FAM186A: variants seen among roughly 807,000 people sequenced by gnomAD.
FAM186A encodes the protein protein FAM186A.
FAM186A carries 163 observed loss-of-function variants against 216.8 expected under a neutral mutation model. The ratio of observed to expected loss-of-function variants is 0.75; its 90% confidence interval spans 0.66 to 0.86. FAM186A has a LOEUF of 0.86. Ranked by LOEUF, FAM186A falls within the 40% of genes least tolerant of loss-of-function variation. The pLI is 0.00. For synonymous variants in FAM186A, 805 were observed against 1,025.3 expected (o/e 0.79, Z 4.10); for missense variants, 2,184 against 2,746.2 (o/e 0.80, Z 4.58).
intron 1 of FAM186A, among the ~76,000 whole-genome samples, chr12:50,363,652 G>A (rs1243420439): frequency 2.6e-5 from 4 of 151,624 alleles, no homozygotes; most frequent in Non-Finnish European, 4.4e-5. Context: ...ATAAATCACG[G>A]CATGTCTGAG....
In FAM186A at chr12:50,351,024, C is replaced by T. The variant is rs965506725; in HGVS notation, c.5808G>A (p.Pro1936=). 9 of 1,551,062 alleles carry T rather than the reference C, an allele frequency of 5.8e-6. No homozygotes were observed. The highest frequency in any genetic ancestry group is 5.5e-5 in the African/African-American group (4 of 73,002). ...PTSRHPPTLW[P]SPAPGKPQKS... ...TCTGGGGCTTTCCAGGGGCTGGGGA[C>T]GGCCATAGTGTGGGAGGATGTCTAG... The change falls in exon 4 of 8, where the codon CCG becomes CCA. Residue 1936 remains proline (P), a synonymous_variant. Coordinates refer to ENST00000327337, the MANE Select transcript of FAM186A (RefSeq NM_001145475.3).
chr12:50,378,624 A>G lies in FAM186A; in HGVS notation c.193-15260T>C, dbSNP rs887317101. ...ATATACACATATGTAAATTGTATATATATATATATACACATACATATATAT... is the reference window on the plus strand; with the variant it reads ...ATATACACATATGTAAATTGTATATGTATATATATACACATACATATATAT... On this transcript the variant is annotated intron_variant, in intron 1 of 7. Transcript: ENST00000327337. 9.2e-4 allele frequency among the ~76,000 whole-genome samples: 106 copies of G among 115,320 alleles called. 1 individual carries two copies. The highest frequency in any genetic ancestry group is 3.8e-3 in the African/African-American group (104 of 27,440). The allele number at this position is 115,320 out of a possible 152,430, so 75.7% of individuals were successfully genotyped here.
At chr12:50,335,046 G>C (rs1477969575) in intron 4 of FAM186A, among the ~76,000 whole-genome samples, 2 of 152,082 alleles carry the variant, frequency 1.3e-5, no homozygotes, top group Admixed American at 6.6e-5. Flanking sequence ...AGGATCGCTT[G>C]AGGCCAGGAG....
In FAM186A at chr12:50,363,082, T is replaced by C. The variant is rs963139264; in HGVS notation, c.412+63A>G. 11 of 1,322,196 alleles carry C rather than the reference T, an allele frequency of 8.3e-6. No individual in the cohort carries two copies. In the South Asian group the frequency reaches 1.4e-4, roughly 16 times the overall value. 81.9% of individuals were successfully genotyped at this position (1,322,196 alleles called of 1,614,324 possible). A position where few individuals can be genotyped will look rare whatever the true frequency, so the allele number is the denominator to read the frequency against. Reference sequence around the variant, plus strand: ...TGATTAATCCTTCAAAATTTACTTATATATTCTCTTCTCTTTTTCATTAAC... The same window carrying C: ...TGATTAATCCTTCAAAATTTACTTACATATTCTCTTCTCTTTTTCATTAAC... On this transcript the variant is annotated intron_variant, in intron 2 of 7. Coordinates refer to ENST00000327337, the MANE Select transcript of FAM186A (RefSeq NM_001145475.3).
intron 1 of FAM186A, among the ~76,000 whole-genome samples, chr12:50,375,508 C>G (rs1236882831): frequency 6.6e-6 from 1 of 150,480 alleles, no homozygotes; most frequent in Admixed American, 6.6e-5. Flanking sequence ...GAGATTGCAC[C>G]ATTGCACTCC....
intron 1 of FAM186A, among the ~76,000 whole-genome samples, chr12:50,373,036 A>G (rs1222662223): frequency 1.3e-5 from 2 of 149,830 alleles, no homozygotes; most frequent in Non-Finnish European, 3.0e-5. Flanking sequence ...AGAAAGAAAG[A>G]AAGAAAGAAA....
chr12:50,339,987 G>A (rs1004112783), intron 4 of FAM186A, among the ~76,000 whole-genome samples: 1 of 152,042 alleles, frequency 6.6e-6, no homozygotes, highest in African/African-American at 2.4e-5. Context: ...ACAGGCACCT[G>A]CCATCGTGCC....
rs1297060144 is a variant in FAM186A, at chr12:50,351,650, T to A, written c.5182A>T (p.Ile1728Phe). 41 of 1,551,416 alleles carry A rather than the reference T, an allele frequency of 2.6e-5. No homozygotes were observed. Among genetic ancestry groups the A allele is most frequent in the Non-Finnish European group, 3.5e-5 (40 of 1,146,906 alleles). The part of the protein sequence containing the change: ...SKASLPTGQS[I>F]ISRLSPSLRL... ...AGACTTGGAGACAATCTTGATATGATGGATTGCCCAGTGGGGAGAGAAGCC... is the reference window on the plus strand; with the variant it reads ...AGACTTGGAGACAATCTTGATATGAAGGATTGCCCAGTGGGGAGAGAAGCC... The change falls in exon 4 of 8, where the codon ATC (isoleucine) becomes TTC (phenylalanine). Residue 1728 changes from isoleucine (I) to phenylalanine (F), a missense_variant. This residue lies in a region of FAM186A where 721 missense variants were observed against 816.4 expected (regional missense o/e 0.88). Coordinates refer to ENST00000327337, the MANE Select transcript of FAM186A (RefSeq NM_001145475.3).
chr12:50,337,873 C>T (rs1942725568), intron 4 of FAM186A, among the ~76,000 whole-genome samples: 3 of 151,152 alleles, frequency 2.0e-5, no homozygotes, highest in African/African-American at 2.4e-5. Flanking sequence ...TCCAGCCTGG[C>T]GACAGAGCAA....
rs754459272 is a variant in FAM186A, at chr12:50,360,938, TA to T, written c.413-13del. 2.7e-3 allele frequency: 3,762 copies of T among 1,396,094 alleles called. No homozygotes were observed. The highest frequency in any genetic ancestry group is 6.7e-3 in the South Asian group (465 of 69,640). 86.5% of individuals were successfully genotyped at this position (1,396,094 alleles called of 1,614,324 possible). On this transcript the variant is annotated splice_polypyrimidine_tract_variant and intron_variant, in intron 2 of 7. Coordinates refer to ENST00000327337, the MANE Select transcript of FAM186A (RefSeq NM_001145475.3). ...AGACAAAACATCATCTTGAAGAGAG[TA>T]AAAAAAAAATCATTTTTGTGCAGAA...
intron 1 of FAM186A, among the ~76,000 whole-genome samples, chr12:50,374,307 T>G (rs1054078442): frequency 1.4e-5 from 2 of 144,232 alleles, no homozygotes; most frequent in African/African-American, 5.2e-5. Flanking sequence ...ATAATAATAA[T>G]AAAGAAAGAA....
intron 1 of FAM186A, among the ~76,000 whole-genome samples, chr12:50,372,247 G>T (rs1366091040): frequency 6.6e-6 from 1 of 152,132 alleles, no homozygotes; most frequent in Admixed American, 6.6e-5. Context: ...GACAAAGTTG[G>T]CCAAGCCAAG....
At chr12:50,358,901 C>T (rs1191683829) in intron 3 of FAM186A, among the ~76,000 whole-genome samples, 6 of 128,964 alleles carry the variant, frequency 4.7e-5, no homozygotes, top group African/African-American at 1.4e-4. Flanking sequence ...CCAACCTGGG[C>T]GACAGAGTAA....
chr12:50,393,911 C>T (rs910251137), intron 1 of FAM186A, among the ~76,000 whole-genome samples: 4 of 152,036 alleles, frequency 2.6e-5, no homozygotes, highest in African/African-American at 9.7e-5. Flanking sequence ...GGGAATTTAT[C>T]GATATTTAGC....
At chr12:50,371,282 T>A (rs1943140194) in intron 1 of FAM186A, among the ~76,000 whole-genome samples, 1 of 151,818 alleles carries the variant, frequency 6.6e-6, no homozygotes, top group African/African-American at 2.4e-5. Flanking sequence ...CATGCCCAGC[T>A]AATTTTTGTA....
Position 50,350,659 on chromosome 12 carries a change from T to C in FAM186A, c.6173A>G (p.Gln2058Arg). Residue 2058 changes from glutamine to arginine, a missense_variant, in exon 4 of 8, where the codon CAG becomes CGG. Transcript: ENST00000327337. ...CTGGTACCATTCCAAAGGTGAAATC[T>C]GTGATGTTCTGAGTAGAGTAGTGAG... Reference protein sequence around the residue: ...SSLTTLLRTSQISPLEWYQKS... With the variant: ...SSLTTLLRTSRISPLEWYQKS... The C allele has an allele frequency of 6.4e-7, 1 of 1,551,618 alleles. No individual in the cohort carries two copies. Among genetic ancestry groups the C allele is most frequent in the Non-Finnish European group, 8.7e-7 (1 of 1,146,982 alleles).
At chr12:50,345,332 A>T (rs1942802023) in intron 4 of FAM186A, among the ~76,000 whole-genome samples, 1 of 152,076 alleles carries the variant, frequency 6.6e-6, no homozygotes, top group Admixed American at 6.6e-5. Flanking sequence ...TGAACTCAGG[A>T]GGCAGAGGTT....
intron 4 of FAM186A, among the ~76,000 whole-genome samples, chr12:50,344,542 A>G (rs1942794077): frequency 1.3e-5 from 2 of 152,120 alleles, no homozygotes; most frequent in Admixed American, 6.6e-5. Context: ...GGTTGATTCC[A>G]TGTCTTTGTG....
At chr12:50,333,818 T>A (rs1027178063) in intron 5 of FAM186A, 93 bp downstream of exon 5, 1 of 1,206,894 alleles carries the variant, frequency 8.3e-7, no homozygotes, top group African/African-American at 1.6e-5. Flanking sequence ...GAAAGTAATA[T>A]GACATGGTGT....
Sources: gnomAD v4.1 joint callset for allele counts (sites outside exome capture counted in the v4.1 genomes callset) on GRCh38, gnomAD v4.1.1 for gene constraint, gnomAD v4.1.1 regional missense constraint, MANE v1.5 for transcripts, NCBI Gene and HGNC (gene_info 2026-07-23, HGNC 2026-07-21) for gene names.